The following ZNF385D variants were observed in gnomAD, a reference collection of about 807,000 sequenced individuals.
The protein encoded by ZNF385D is zinc finger protein 659.
A neutral mutation model predicts 35.8 loss-of-function variants in ZNF385D; 15 were observed. The observed-to-expected ratio is 0.42, with a 90% confidence interval of 0.28 to 0.64. ZNF385D has a LOEUF of 0.64. ZNF385D is among the 30% of genes least tolerant of loss of function. The pLI, the probability that ZNF385D is intolerant of heterozygous loss-of-function variation, is 0.23. For missense variants in ZNF385D, 474 were observed against 494.6 expected (o/e 0.96, Z 0.39); for synonymous variants, 212 against 186.8 (o/e 1.13, Z -1.10).
At chr3:22,182,710 G>T (rs1445904398) in intron 2 of ZNF385D, among the ~76,000 whole-genome samples, 1 of 152,146 alleles carries the variant, frequency 6.6e-6, no homozygotes, top group East Asian at 1.9e-4. Flanking sequence ...TTGAAAGATT[G>T]TTTAATAAGT....
intron 2 of ZNF385D, among the ~76,000 whole-genome samples, chr3:22,365,871 C>G (rs970399461): frequency 2.0e-5 from 3 of 151,978 alleles, no homozygotes; most frequent in Non-Finnish European, 4.4e-5. Flanking sequence ...TTAAATTTGC[C>G]AAAGGAAACT....
chr3:21,580,969 C>A, intron 2 of ZNF385D, among the ~76,000 whole-genome samples: 1 of 152,062 alleles, frequency 6.6e-6, no homozygotes, highest in East Asian at 1.9e-4. Context: ...TTGAAATATT[C>A]TACTTCTCCT....
intron 4 of ZNF385D, among the ~76,000 whole-genome samples, chr3:21,474,691 TG>T (rs1189305718): frequency 1.3e-5 from 2 of 152,184 alleles, no homozygotes; most frequent in African/African-American, 4.8e-5. Flanking sequence ...ATAATAATTT[TG>T]GATACTTAAA....
At chr3:21,787,981 A>AAAAAAAAAAAAAAAAAACAAAAG (rs1559622286) in intron 3 of ZNF385D, among the ~76,000 whole-genome samples, 1 of 104,882 alleles carries the variant, frequency 9.5e-6, no homozygotes, top group Non-Finnish European at 2.1e-5. Context: ...AAAAAAAAAA[A>AAAAAAAAAAAAAAAAAACAAAAG]AGAGAGAGAG....
chr3:21,938,783 A>T (rs1432503050), intron 3 of ZNF385D, among the ~76,000 whole-genome samples: 1 of 152,214 alleles, frequency 6.6e-6, no homozygotes, highest in African/African-American at 2.4e-5. Flanking sequence ...AATTCAGTAC[A>T]AAGGCTATTA....
chr3:21,721,642 C>A (rs1284436330), intron 1 of ZNF385D, among the ~76,000 whole-genome samples: 1 of 152,090 alleles, frequency 6.6e-6, no homozygotes, highest in African/African-American at 2.4e-5. Context: ...ATACTAATAT[C>A]ATTTCAGACT....
Position 22,270,526 on chromosome 3 carries a change from A to G in ZNF385D, c.107-101491T>C, listed in dbSNP as rs1576592710. Among the ~76,000 whole-genome samples the G allele has an allele frequency of 6.6e-5, 10 of 152,128 alleles. No homozygotes were observed. In the South Asian group the frequency reaches 1.9e-3, roughly 28 times the overall value. ...ACTTATAATTAAATTAATAGTAACT[A>G]TTCCTCATTTTAAATTGTGGTGTTA... On this transcript the variant is annotated intron_variant, in intron 2 of 5. Transcript: ENST00000494108.
chr3:21,428,269 A>C (rs1701115079), intron 5 of ZNF385D, among the ~76,000 whole-genome samples: 1 of 152,056 alleles, frequency 6.6e-6, no homozygotes, highest in Admixed American at 6.6e-5. Context: ...TACTGTGCTA[A>C]ATTTTTTACC....
intron 3 of ZNF385D, among the ~76,000 whole-genome samples, chr3:21,994,339 T>C (rs1159669141): frequency 1.3e-5 from 2 of 152,246 alleles, no homozygotes. Flanking sequence ...TTATCTATTG[T>C]ACTTGTTAAT....
intron 3 of ZNF385D, chr3:21,561,774 C>G (rs1334772514): frequency 6.6e-6 from 1 of 152,128 alleles, no homozygotes; most frequent in Non-Finnish European, 1.5e-5. Context: ...GTGGAATTCA[C>G]AGTGCCCCAA....
At chr3:21,615,606 C>T (rs1483258234) in intron 2 of ZNF385D, among the ~76,000 whole-genome samples, 4 of 151,898 alleles carry the variant, frequency 2.6e-5, no homozygotes, top group Non-Finnish European at 5.9e-5. Context: ...CTTGATTTTA[C>T]CCTCTACCCA....
intron 2 of ZNF385D, among the ~76,000 whole-genome samples, chr3:22,322,458 T>TG (rs1694485682): frequency 6.6e-6 from 1 of 152,190 alleles, no homozygotes; most frequent in African/African-American, 2.4e-5. Flanking sequence ...ACAGTGAGTC[T>TG]GACTTTTTTT....
At position 22,130,963 on chromosome 3, in the gene ZNF385D, C is replaced by T. The variant is rs567578462; in HGVS notation, c.325+37854G>A. Among the ~76,000 whole-genome samples, 3 of 152,016 alleles carry T rather than the reference C, an allele frequency of 2.0e-5. No homozygotes were observed. In the South Asian group the frequency reaches 6.2e-4, roughly 32 times the overall value. ...TTAATTAGCTATAGACTATCTGTTT[C>T]TGGAGCTTGGAAGACAGATCCAGGC... On this transcript the variant is annotated intron_variant, in intron 3 of 5. Coordinates refer to the ZNF385D transcript ENST00000494108.
chr3:22,347,650 T>C (rs1695719521), intron 2 of ZNF385D, among the ~76,000 whole-genome samples: 1 of 152,154 alleles, frequency 6.6e-6, no homozygotes, highest in Non-Finnish European at 1.5e-5. Context: ...TAAGATAAAC[T>C]GTTGCTAAGA....
intron 3 of ZNF385D, among the ~76,000 whole-genome samples, chr3:21,997,429 C>T (rs1300400658): frequency 6.6e-6 from 1 of 151,940 alleles, no homozygotes; most frequent in Non-Finnish European, 1.5e-5. Context: ...AGCACACCAA[C>T]ATGGCACATG....
At chr3:22,346,144 T>A (rs561102313) in intron 2 of ZNF385D, among the ~76,000 whole-genome samples, 1 of 152,208 alleles carries the variant, frequency 6.6e-6, no homozygotes, top group Non-Finnish European at 1.5e-5. Flanking sequence ...TGAATTTATT[T>A]TCATATTTCC....
chr3:22,131,153 T>C (rs186342733), intron 3 of ZNF385D, among the ~76,000 whole-genome samples: 18 of 152,202 alleles, frequency 1.2e-4, no homozygotes, highest in African/African-American at 4.3e-4. Flanking sequence ...TTCCAAGAAC[T>C]AAGCCCTGCA....
intron 3 of ZNF385D, among the ~76,000 whole-genome samples, chr3:21,926,271 C>T (rs971211072): frequency 4.6e-5 from 7 of 151,698 alleles, no homozygotes; most frequent in South Asian, 2.1e-4. Context: ...TCTCCTAATG[C>T]TATCCCTCCC....
chr3:21,780,758 A>G (rs116013400), intron 3 of ZNF385D, among the ~76,000 whole-genome samples: 95 of 152,162 alleles, frequency 6.2e-4, no homozygotes, highest in Non-Finnish European at 1.3e-3. Flanking sequence ...ATTTTTGTTC[A>G]ACTTTCACCT....
Sources: allele counts gnomAD v4.1 joint callset (sites outside exome capture counted in the v4.1 genomes callset), GRCh38; gene constraint gnomAD v4.1.1; transcripts MANE v1.5; gene names NCBI Gene and HGNC (gene_info 2026-07-23, HGNC 2026-07-21).